The following MFSD1 variants were observed in gnomAD, a reference collection of about 807,000 sequenced individuals.
MFSD1 encodes the protein lysosomal dipeptide transporter MFSD1.
Under a neutral mutation model 67.1 loss-of-function variants are expected in MFSD1, and 59 were observed. The ratio of observed to expected loss-of-function variants is 0.88; its 90% CI spans 0.71 to 1.09. The LOEUF (loss-of-function observed/expected upper bound fraction) is 1.09. MFSD1 is among the 50% of genes least tolerant of loss of function. The pLI is 0.00. For missense variants in MFSD1, 552 were observed against 566.1 expected, an observed-to-expected ratio of 0.97 and a Z score of 0.25; for synonymous variants, 213 against 200.3, an observed-to-expected ratio of 1.06 and a Z score of -0.54.
chr3:158,812,537 G>A (rs975507210), intron 6 of MFSD1, among the ~76,000 whole-genome samples: 2 of 152,106 alleles, frequency 1.3e-5, no homozygotes, highest in Admixed American at 1.3e-4. Context: ...CAACTTATAT[G>A]CAAATATATC....
At position 158,819,573 on chromosome 3, in the gene MFSD1, T is replaced by C. The variant is rs572321530; in HGVS notation, c.653-76T>C. Reference sequence around the variant, plus strand: ...GTTGCTGTTTTTGCTGTTTATGTAATGTACTTCTCCTTAGGAACCTTCTGT... The same window carrying C: ...GTTGCTGTTTTTGCTGTTTATGTAACGTACTTCTCCTTAGGAACCTTCTGT... On this transcript the variant is annotated intron_variant, in intron 7 of 15. Coordinates refer to ENST00000415822, the MANE Select transcript of MFSD1 (RefSeq NM_022736.4). 9 of 767,172 alleles carry C rather than the reference T, an allele frequency of 1.2e-5. No individual in the cohort carries two copies. The Admixed American group carries it at 2.4e-4, about 21-fold the overall frequency. 47.5% of individuals were successfully genotyped at this position (767,172 alleles called of 1,614,324 possible). A position where few individuals can be genotyped will look rare whatever the true frequency, so the allele number is the denominator to read the frequency against.
At chr3:158,806,990 T>C (rs776353366) in intron 3 of MFSD1, 50 bp from the exon 4 acceptor site, 8 of 1,500,130 alleles carry the variant, frequency 5.3e-6, no homozygotes, top group Non-Finnish European at 7.3e-6. Flanking sequence ...AAATTAAGAT[T>C]TTTTTTTTCT....
chr3:158,828,976 C>G lies in MFSD1; in HGVS notation c.1395-3C>G, dbSNP rs1398490095. 1 of 1,601,022 alleles carries G rather than the reference C, an allele frequency of 6.2e-7. No individual in the cohort carries two copies. Among genetic ancestry groups the G allele is most frequent in the Non-Finnish European group, 8.5e-7 (1 of 1,173,826 alleles). On this transcript the variant is annotated splice_polypyrimidine_tract_variant and splice_region_variant and intron_variant, in intron 15 of 15. Transcript: ENST00000415822. ...TGGTAATTTATTGCGTTATGTTTTG[C>G]AGATGAGAAGTTAAAATGAATGTGT...
At chr3:158,827,488 C>T in intron 15 of MFSD1, 151 bp downstream of exon 15, 1 of 472,798 alleles carries the variant, frequency 2.1e-6, no homozygotes. Flanking sequence ...GGTCACAGCT[C>T]ACTGAAGCCT....
rs946437846 is a variant in MFSD1, at chr3:158,804,301, G to A, written c.164-18G>A. ...TATGGGAAGTATTATTACTTATAAAGTATTTGCTCTTTTCTAGGCAGCTAT... is the reference window on the plus strand; with the variant it reads ...TATGGGAAGTATTATTACTTATAAAATATTTGCTCTTTTCTAGGCAGCTAT... On this transcript the variant is annotated intron_variant, in intron 1 of 15. Transcript: ENST00000415822. 1 of 1,590,976 alleles carries A rather than the reference G, an allele frequency of 6.3e-7. No individual in the cohort carries two copies. Among genetic ancestry groups the A allele is most frequent in the African/African-American group, 1.3e-5 (1 of 74,248 alleles).
At position 158,824,275 on chromosome 3, in the gene MFSD1, A is replaced by G. The variant is rs775539831; in HGVS notation, c.1288+39A>G. Reference sequence around the variant, plus strand: ...ATGACAACATTTTGTTTCTTTTACTACATAACAGAATGTTCTTATTTTTAC... The same window carrying G: ...ATGACAACATTTTGTTTCTTTTACTGCATAACAGAATGTTCTTATTTTTAC... On this transcript the variant is annotated intron_variant, in intron 13 of 15. Transcript: ENST00000415822. 2.1e-5 allele frequency: 29 copies of G among 1,375,494 alleles called. 1 individual carries two copies. Among genetic ancestry groups the G allele is most frequent in the Non-Finnish European group, 2.8e-5 (27 of 975,290 alleles). The allele number at this position is 1,375,494 out of a possible 1,614,324, so 85.2% of individuals were successfully genotyped here. A position where few individuals can be genotyped will look rare whatever the true frequency, so the allele number is the denominator to read the frequency against.
At position 158,819,702 on chromosome 3, in the gene MFSD1, G is replaced by T. The variant is rs769958466; in HGVS notation, c.706G>T (p.Asp236Tyr). 1.2e-6 allele frequency: 2 copies of T among 1,609,796 alleles called. No homozygotes were observed. The highest frequency in any genetic ancestry group is 1.7e-6 in the Non-Finnish European group (2 of 1,177,208). Residue 236 changes from aspartate (D) to tyrosine (Y), a missense_variant, in exon 8 of 16, where the codon GAT becomes TAT. Asp to Tyr is a radical substitution (Grantham distance 160). Coordinates refer to ENST00000415822, the MANE Select transcript of MFSD1 (RefSeq NM_022736.4). ...CTGTGCCTTGGCTCTTGCCTACTTGGATCAGAGAGCAGAGAGAATCCTTCA... is the reference window on the plus strand; with the variant it reads ...CTGTGCCTTGGCTCTTGCCTACTTGTATCAGAGAGCAGAGAGAATCCTTCA... ...LICALALAYL[D>Y]QRAERILHKE...
intron 7 of MFSD1, 51 bp from the exon 8 acceptor site, chr3:158,819,598 T>G: frequency 2.8e-6 from 3 of 1,081,268 alleles, no homozygotes; most frequent in Non-Finnish European, 4.0e-6. Context: ...GAACCTTCTG[T>G]TTGGTTCTCT....
At position 158,820,227 on chromosome 3, in the gene MFSD1, A is replaced by C; in HGVS notation, c.764A>C (p.Lys255Thr). 1 of 1,590,930 alleles carries C rather than the reference A, an allele frequency of 6.3e-7. No individual in the cohort carries two copies. The highest frequency in any genetic ancestry group is 1.3e-5 in the African/African-American group (1 of 74,672). Residue 255 changes from lysine (K) to threonine (T), a missense_variant, in exon 9 of 16, where the codon AAA becomes ACA. Coordinates refer to ENST00000415822, the MANE Select transcript of MFSD1 (RefSeq NM_022736.4). Reference protein sequence around the residue: ...KEQGKTGEVIKLTDVKDFSLP... With the variant: ...KEQGKTGEVITLTDVKDFSLP... ...TTTCTTCTCTAAGGTGAAGTTATTAAATTAACTGATGTAAAGGACTTCTCC... is the reference window on the plus strand; with the variant it reads ...TTTCTTCTCTAAGGTGAAGTTATTACATTAACTGATGTAAAGGACTTCTCC...
At chr3:158,802,427 C>T in intron 1 of MFSD1, 112 bp downstream of exon 1, 1 of 1,225,898 alleles carries the variant, frequency 8.2e-7, no homozygotes, top group Admixed American at 1.9e-5. Flanking sequence ...CAGCTTCTGT[C>T]TTAAGCTCCT....
At chr3:158,819,942 A>G (rs1730588801) in intron 8 of MFSD1, among the ~76,000 whole-genome samples, 195 bp downstream of exon 8, 1 of 152,168 alleles carries the variant, frequency 6.6e-6, no homozygotes. Flanking sequence ...ATCTTTTGGC[A>G]GAATTTACAT....
chr3:158,816,066 G>A (rs1730321487), intron 7 of MFSD1, among the ~76,000 whole-genome samples: 1 of 151,880 alleles, frequency 6.6e-6, no homozygotes, highest in South Asian at 2.1e-4. Context: ...TTGGACATTT[G>A]GGTTGGTTCC....
chr3:158,817,066 G>C (rs1454312880), intron 7 of MFSD1, among the ~76,000 whole-genome samples: 2 of 152,150 alleles, frequency 1.3e-5, no homozygotes, highest in Non-Finnish European at 2.9e-5. Flanking sequence ...TTGTAGTATA[G>C]TTTGAAGTCA....
intron 15 of MFSD1, among the ~76,000 whole-genome samples, chr3:158,828,496 T>C (rs1363541892): frequency 6.6e-6 from 1 of 152,080 alleles, no homozygotes; most frequent in African/African-American, 2.4e-5. Flanking sequence ...GGAAACAACA[T>C]AAATGTCTTA....
chr3:158,825,703 G>C (rs1047186267), intron 13 of MFSD1, among the ~76,000 whole-genome samples: 2 of 152,120 alleles, frequency 1.3e-5, no homozygotes, highest in Admixed American at 1.3e-4. Flanking sequence ...TCCTGCAAAG[G>C]ACCAGCACTG....
At chr3:158,808,633 A>T (rs1327695693) in intron 5 of MFSD1, among the ~76,000 whole-genome samples, 1 of 152,168 alleles carries the variant, frequency 6.6e-6, no homozygotes, top group Non-Finnish European at 1.5e-5. Context: ...GCAGTATATC[A>T]TGTGACTCCC....
intron 15 of MFSD1, among the ~76,000 whole-genome samples, chr3:158,827,976 G>GAC (rs1371636474): frequency 0.018 from 1,348 of 76,434 alleles, 43 homozygotes; most frequent in East Asian, 0.027. Context: ...GAGAGAGAGA[G>GAC]AGACAGAGAT....
chr3:158,824,314 C>A (rs924396174), intron 13 of MFSD1, 78 bp downstream of exon 13: 5 of 1,010,904 alleles, frequency 4.9e-6, no homozygotes, highest in African/African-American at 1.6e-5. Flanking sequence ...GGCATAGCTC[C>A]CAGATTTGCC....
rs952612934 is a variant in MFSD1, at chr3:158,813,129, G to T, written c.550-836G>T. Among the ~76,000 whole-genome samples, 17 of 147,426 alleles carry T rather than the reference G, an allele frequency of 1.2e-4. No individual in the cohort carries two copies. In the East Asian group the frequency reaches 1.2e-3, roughly 10 times the overall value. ...ACTTTTTTTTTTTTAACCAAAGTAA[G>T]TTGGATATTTTTATGCTTTCTTCTT... On this transcript the variant is annotated intron_variant, in intron 6 of 15. Coordinates refer to ENST00000415822, the MANE Select transcript of MFSD1 (RefSeq NM_022736.4).
Sources: gnomAD v4.1 joint callset for allele counts (sites outside exome capture counted in the v4.1 genomes callset) on GRCh38, gnomAD v4.1.1 for gene constraint, MANE v1.5 for transcripts, NCBI Gene and HGNC (gene_info 2026-07-23, HGNC 2026-07-21) for gene names.